PTPRG: variants seen among roughly 807,000 people sequenced by gnomAD.
The protein encoded by PTPRG is protein tyrosine phosphatase receptor type G.
In PTPRG, 102 loss-of-function variants were observed where a neutral mutation model predicts 165.3. The ratio of observed to expected loss-of-function variants is 0.62; its 90% CI spans 0.53 to 0.73. PTPRG has a LOEUF of 0.73. PTPRG is among the 30% of genes least tolerant of loss of function. The pLI, the probability that PTPRG is intolerant of heterozygous loss-of-function variation, is 0.00. For missense variants in PTPRG, 1,866 were observed against 1,861.4 expected (o/e 1.00, Z -0.05); for synonymous variants, 675 against 669.5 (o/e 1.01, Z -0.13).
intron 1 of PTPRG, among the ~76,000 whole-genome samples, chr3:61,577,117 T>A (rs1383896472): frequency 6.6e-6 from 1 of 152,244 alleles, no homozygotes; most frequent in East Asian, 1.9e-4. Flanking sequence ...ATAAGTTGAT[T>A]GTTACCTTTA....
intron 2 of PTPRG, among the ~76,000 whole-genome samples, chr3:61,974,561 AAT>A (rs141036598): frequency 0.43 from 64,378 of 150,728 alleles, 14,132 homozygotes; most frequent in African/African-American, 0.55. Context: ...TTAAAAAAAA[AAT>A]TTTTTTTTAA....
chr3:61,612,052 C>T (rs1307095167), intron 1 of PTPRG, among the ~76,000 whole-genome samples: 1 of 152,156 alleles, frequency 6.6e-6, no homozygotes, highest in Non-Finnish European at 1.5e-5. Flanking sequence ...AAGGAATTCT[C>T]CTGTCTCAGC....
chr3:61,607,509 G>T (rs6784733), intron 1 of PTPRG, among the ~76,000 whole-genome samples: 18,683 of 152,180 alleles, frequency 0.12, 1,268 homozygotes, highest in East Asian at 0.21. Flanking sequence ...TTTCATAGGA[G>T]TTTTCTTTCC....
chr3:61,823,343 A>G (rs2036010423), intron 2 of PTPRG, among the ~76,000 whole-genome samples: 1 of 152,084 alleles, frequency 6.6e-6, no homozygotes, highest in South Asian at 2.1e-4. Flanking sequence ...GACACACACC[A>G]CCACAACCAG....
intron 17 of PTPRG, 60 bp from the exon 18 acceptor site, chr3:62,267,350 A>G: frequency 7.9e-7 from 1 of 1,270,058 alleles, no homozygotes; most frequent in Non-Finnish European, 1.1e-6. Flanking sequence ...TGTGCTTTAG[A>G]ATGGTGCTAG....
At chr3:61,857,308 TG>T (rs2037136993) in intron 2 of PTPRG, among the ~76,000 whole-genome samples, 1 of 152,172 alleles carries the variant, frequency 6.6e-6, no homozygotes, top group Admixed American at 6.6e-5. Flanking sequence ...ACCCACCTCT[TG>T]TGAATTCATA....
At chr3:62,084,864 A>G (rs563341796) in intron 5 of PTPRG, among the ~76,000 whole-genome samples, 1 of 152,328 alleles carries the variant, frequency 6.6e-6, no homozygotes, top group Admixed American at 6.5e-5. Flanking sequence ...GTCTTCATTC[A>G]TCATTATGTC....
rs142166633 is a variant in PTPRG at position 61,694,643 on chromosome 3, A to T, written c.86-54235A>T. 3.9e-3 allele frequency among the ~76,000 whole-genome samples: 599 copies of T among 152,288 alleles called. 6 individuals are homozygous for T. The highest frequency in any genetic ancestry group is 0.014 in the African/African-American group (571 of 41,570). On this transcript the variant is annotated intron_variant, in intron 1 of 29. Transcript: ENST00000474889. ...GCAGCAACGATTGGAATAGCATGAA[A>T]CTTAAAACATCCTAGATATCCATAA...
At chr3:62,062,896 T>C (rs9814745) in intron 4 of PTPRG, among the ~76,000 whole-genome samples, 117,097 of 151,724 alleles carry the variant, frequency 0.77, 46,195 homozygotes, top group South Asian at 0.92. Flanking sequence ...TCAAGCTATC[T>C]GCCCGTCTCA....
intron 1 of PTPRG, among the ~76,000 whole-genome samples, chr3:61,596,251 G>T (rs996395031): frequency 6.6e-6 from 1 of 152,186 alleles, no homozygotes; most frequent in African/African-American, 2.4e-5. Context: ...GTTTTCCATT[G>T]TAAGAAGACA....
chr3:61,668,608 T>C (rs1043070047), intron 1 of PTPRG, among the ~76,000 whole-genome samples: 3 of 152,210 alleles, frequency 2.0e-5, no homozygotes, highest in African/African-American at 4.8e-5. Context: ...TCAGAAATTA[T>C]GCAAATTTTA....
At chr3:62,175,104 A>G (rs1705365226) in intron 8 of PTPRG, among the ~76,000 whole-genome samples, 1 of 152,218 alleles carries the variant, frequency 6.6e-6, no homozygotes, top group Non-Finnish European at 1.5e-5. Flanking sequence ...CAGACATTTC[A>G]TGATTACTCT....
At chr3:61,892,436 A>G (rs2038239581) in intron 2 of PTPRG, among the ~76,000 whole-genome samples, 1 of 152,122 alleles carries the variant, frequency 6.6e-6, no homozygotes, top group Non-Finnish European at 1.5e-5. Flanking sequence ...GCACATCTCA[A>G]ACTCCTTGGC....
chr3:62,110,325 C>A (rs1163309692), intron 5 of PTPRG, among the ~76,000 whole-genome samples: 2 of 151,988 alleles, frequency 1.3e-5, no homozygotes, highest in Non-Finnish European at 2.9e-5. Context: ...AACTTGTGAC[C>A]AACAGCTATT....
chr3:61,909,644 CCAAAA>C (rs2038751343), intron 2 of PTPRG, among the ~76,000 whole-genome samples: 1 of 151,082 alleles, frequency 6.6e-6, no homozygotes, highest in African/African-American at 2.5e-5. Context: ...CCTCAGCCTC[CCAAAA>C]TGCTGGGTTT....
At chr3:61,674,647 G>A (rs1383969592) in intron 1 of PTPRG, among the ~76,000 whole-genome samples, 2 of 152,108 alleles carry the variant, frequency 1.3e-5, no homozygotes, top group Admixed American at 6.5e-5. Context: ...GCAGCTGTTT[G>A]TTGAATTGGT....
intron 2 of PTPRG, among the ~76,000 whole-genome samples, chr3:61,837,644 G>A (rs941693051): frequency 6.6e-6 from 1 of 152,210 alleles, no homozygotes; most frequent in Non-Finnish European, 1.5e-5. Context: ...GATGAGGAAT[G>A]TCTGTACACG....
At chr3:62,209,184 GGAAC>G (rs1700300753) in intron 12 of PTPRG, among the ~76,000 whole-genome samples, 2 of 152,180 alleles carry the variant, frequency 1.3e-5, no homozygotes, top group Non-Finnish European at 2.9e-5. Flanking sequence ...CTTCTCCCTA[GGAAC>G]ATTTGGGAGC....
intron 1 of PTPRG, among the ~76,000 whole-genome samples, chr3:61,612,214 G>A (rs1211615695): frequency 6.6e-6 from 1 of 152,178 alleles, no homozygotes; most frequent in African/African-American, 2.4e-5. Context: ...CCAAAGTGCT[G>A]GGATTACAGG....
Sources: gnomAD v4.1 joint callset for allele counts (sites outside exome capture counted in the v4.1 genomes callset) on GRCh38, gnomAD v4.1.1 for gene constraint, MANE v1.5 for transcripts, NCBI Gene and HGNC (gene_info 2026-07-23, HGNC 2026-07-21) for gene names.